IL1RAPL2: variants seen among roughly 807,000 people sequenced by gnomAD.
The protein encoded by IL1RAPL2 is X-linked interleukin-1 receptor accessory protein-like 2.
In IL1RAPL2, 3 loss-of-function variants were observed where a neutral mutation model predicts 44.1. The observed-to-expected ratio is 0.07, with a 90% CI of 0.03 to 0.18. The LOEUF (loss-of-function observed/expected upper bound fraction) is 0.18, where lower values mean the gene tolerates loss of function less well. Ranked by LOEUF, IL1RAPL2 falls within the 10% of genes least tolerant of loss-of-function variation. The probability of loss-of-function intolerance (pLI) is 1.00; values close to 1 mark genes in which losing one functional copy is unlikely to be tolerated. For missense variants in IL1RAPL2, 391 were observed against 496.4 expected (o/e 0.79, Z 2.02); for synonymous variants, 181 against 178.8 (o/e 1.01, Z -0.10).
chrX:105,639,775 C>CA (rs1034914459), intron 6 of IL1RAPL2, among the ~76,000 whole-genome samples: 2 of 109,684 alleles, frequency 1.8e-5, no homozygotes, highest in Non-Finnish European at 3.8e-5. Flanking sequence ...CTCCCTGCAC[C>CA]AAAAAAAGAA....
intron 5 of IL1RAPL2, among the ~76,000 whole-genome samples, chrX:105,483,949 T>G (rs1473277964): frequency 1.8e-5 from 2 of 111,702 alleles, no homozygotes; most frequent in Non-Finnish European, 3.8e-5. Flanking sequence ...TAATATTTCA[T>G]TGAGAATACC....
At chrX:105,579,378 G>A (rs958545708) in intron 6 of IL1RAPL2, among the ~76,000 whole-genome samples, 20 of 111,257 alleles carry the variant, frequency 1.8e-4, no homozygotes, top group African/African-American at 6.2e-4. Flanking sequence ...TTCTTTATAT[G>A]CAATATATAA....
chrX:104,623,319 C>T (rs1929435366), intron 1 of IL1RAPL2, among the ~76,000 whole-genome samples: 1 of 110,433 alleles, frequency 9.1e-6, no homozygotes, highest in Non-Finnish European at 1.9e-5. Context: ...TACATTGTTT[C>T]CAAAGGACAT....
intron 6 of IL1RAPL2, among the ~76,000 whole-genome samples, chrX:105,495,304 T>C (rs928744123): frequency 4.5e-5 from 5 of 112,102 alleles, no homozygotes; most frequent in Non-Finnish European, 9.4e-5. Context: ...AAGAGTATAA[T>C]ATAAAATAAA....
chrX:105,040,364 A>T (rs1186466983), intron 2 of IL1RAPL2, among the ~76,000 whole-genome samples: 3 of 111,356 alleles, frequency 2.7e-5, no homozygotes, highest in Non-Finnish European at 5.7e-5. Context: ...TGTCTCTGCC[A>T]GGCTTTGGTA....
At chrX:105,027,894 A>G (rs183356871) in intron 2 of IL1RAPL2, among the ~76,000 whole-genome samples, 12 of 112,041 alleles carry the variant, frequency 1.1e-4, no homozygotes, top group Non-Finnish European at 2.1e-4. Flanking sequence ...TTGTTGCAGC[A>G]CTGCTTACAA....
intron 2 of IL1RAPL2, among the ~76,000 whole-genome samples, chrX:104,986,579 C>A (rs2030564819): frequency 8.9e-6 from 1 of 111,882 alleles, no homozygotes; most frequent in Non-Finnish European, 1.9e-5. Flanking sequence ...CACTAAAAAC[C>A]AATTTGGCTG....
intron 1 of IL1RAPL2, among the ~76,000 whole-genome samples, chrX:104,642,950 A>C (rs1448632197): frequency 8.9e-6 from 1 of 112,354 alleles, no homozygotes; most frequent in African/African-American, 3.2e-5. Context: ...GAATGTTAGA[A>C]TAACATCCGT....
chrX:105,530,716 TC>T (rs1163717587), intron 6 of IL1RAPL2, among the ~76,000 whole-genome samples: 8 of 96,891 alleles, frequency 8.3e-5, no homozygotes, highest in African/African-American at 2.6e-4. Flanking sequence ...AGCCATCCCT[TC>T]CCCCCCGCCC....
intron 2 of IL1RAPL2, among the ~76,000 whole-genome samples, chrX:104,856,110 G>A (rs1397735869): frequency 1.8e-5 from 2 of 111,815 alleles, no homozygotes; most frequent in East Asian, 5.6e-4. Flanking sequence ...AATGTAATTA[G>A]TGTTAGTATT....
intron 2 of IL1RAPL2, among the ~76,000 whole-genome samples, chrX:104,738,729 C>A (rs1773161787): frequency 9.0e-6 from 1 of 111,281 alleles, no homozygotes; most frequent in Non-Finnish European, 1.9e-5. Flanking sequence ...TGCTTGAGGC[C>A]AGGAGTTCAA....
chrX:104,954,154 G>A (rs60210777), intron 2 of IL1RAPL2, among the ~76,000 whole-genome samples: 99 of 112,202 alleles, frequency 8.8e-4, no homozygotes, highest in African/African-American at 2.9e-3. Flanking sequence ...GAAAAACTGC[G>A]TTACCTTGAA....
At chrX:105,073,184 TC>T (rs1396687303) in intron 2 of IL1RAPL2, among the ~76,000 whole-genome samples, 8 of 67,701 alleles carry the variant, frequency 1.2e-4, no homozygotes, top group Non-Finnish European at 2.0e-4. Flanking sequence ...CCTAATGCTA[TC>T]CCTCCCCCCT....
chrX:104,903,637 G>A (rs1222272534), intron 2 of IL1RAPL2, among the ~76,000 whole-genome samples: 1 of 110,804 alleles, frequency 9.0e-6, no homozygotes, highest in Non-Finnish European at 1.9e-5. Context: ...GAGTGCAGTG[G>A]CATGATCTTG....
At chrX:104,807,637 T>A (rs1444148075) in intron 2 of IL1RAPL2, among the ~76,000 whole-genome samples, 2 of 111,654 alleles carry the variant, frequency 1.8e-5, no homozygotes, top group Admixed American at 1.9e-4. Flanking sequence ...ACGATCACGG[T>A]TAACTCTTCA....
chrX:105,116,737 A>G (rs1332096213), intron 2 of IL1RAPL2, among the ~76,000 whole-genome samples: 2 of 112,557 alleles, frequency 1.8e-5, no homozygotes, highest in Non-Finnish European at 3.8e-5. Flanking sequence ...TGCAAAGAAC[A>G]TTTTTTCCCA....
chrX:105,176,817 A>G (rs765890308), intron 2 of IL1RAPL2, among the ~76,000 whole-genome samples: 2 of 111,019 alleles, frequency 1.8e-5, no homozygotes, highest in African/African-American at 3.3e-5. Context: ...ATGAATTTGC[A>G]GGGTGGAGGA....
chrX:104,958,304 A>C (rs753532604), intron 2 of IL1RAPL2, among the ~76,000 whole-genome samples: 4 of 107,937 alleles, frequency 3.7e-5, no homozygotes, highest in African/African-American at 1.4e-4. Context: ...AAAGGGAGAG[A>C]TGTGTTTTGT....
intron 5 of IL1RAPL2, among the ~76,000 whole-genome samples, chrX:105,443,699 G>C (rs2035936052): frequency 2.7e-5 from 3 of 112,098 alleles, no homozygotes; most frequent in African/African-American, 9.7e-5. Context: ...TTTTATGGCT[G>C]AATAGTACTC....
Sources: gnomAD v4.1 joint callset for allele counts (sites outside exome capture counted in the v4.1 genomes callset) on GRCh38, gnomAD v4.1.1 for gene constraint, MANE v1.5 for transcripts, NCBI Gene and HGNC (gene_info 2026-07-23, HGNC 2026-07-21) for gene names.